SBF2: variants seen among roughly 807,000 people sequenced by gnomAD.
SBF2 encodes myotubularin-related protein 13.
SBF2 carries 112 observed loss-of-function variants against 225.2 expected under a neutral mutation model. The ratio of observed to expected loss-of-function variants is 0.50; its 90% CI spans 0.43 to 0.58. The LOEUF (loss-of-function observed/expected upper bound fraction) is 0.58, where lower values mean the gene tolerates loss of function less well. SBF2 is among the 20% of genes least tolerant of loss of function. SBF2 has a pLI of 0.00. For missense variants in SBF2, 1,996 were observed against 2,206.2 expected (o/e 0.90, Z 1.91); for synonymous variants, 763 against 773.3 (o/e 0.99, Z 0.22).
chr11:10,168,578 T>C lies in SBF2; in HGVS notation c.141+25324A>G, dbSNP rs752826446. On this transcript the variant is annotated intron_variant, in intron 2 of 39. Transcript: ENST00000256190. ...TAATACCCAGGTAGAACAATATTAA[T>C]CCAGGTAAATATTTATATGAATTTG... Among the ~76,000 whole-genome samples, 32 of 152,180 alleles carry C rather than the reference T, an allele frequency of 2.1e-4. 1 individual carries two copies. The highest frequency in any genetic ancestry group is 3.5e-4 in the Non-Finnish European group (24 of 68,024).
Position 10,108,367 on chromosome 11 carries a change from C to T in SBF2, c.142-65386G>A, listed in dbSNP as rs192307377. On this transcript the variant is annotated intron_variant, in intron 2 of 39. Coordinates refer to ENST00000256190, the MANE Select transcript of SBF2 (RefSeq NM_030962.4). ...CTAAACAAATACTGGTGGAGTGAGTCAATGGCTCAATGAAGCACTAATTCA... is the reference window on the plus strand; with the variant it reads ...CTAAACAAATACTGGTGGAGTGAGTTAATGGCTCAATGAAGCACTAATTCA... 1.5e-3 allele frequency among the ~76,000 whole-genome samples: 222 copies of T among 152,196 alleles called. 3 individuals are homozygous for T. Among genetic ancestry groups the T allele is most frequent in the Admixed American group, 0.012 (188 of 15,282 alleles).
chr11:9,842,525 A>C, intron 25 of SBF2, 100 bp downstream of exon 25: 1 of 1,219,754 alleles, frequency 8.2e-7, no homozygotes, highest in South Asian at 1.2e-5. Flanking sequence ...CATGAGATCT[A>C]GGTTTTTGTG....
chr11:9,991,561 G>C (rs1279496225), intron 12 of SBF2, among the ~76,000 whole-genome samples: 2 of 151,942 alleles, frequency 1.3e-5, no homozygotes, highest in Admixed American at 1.3e-4. Context: ...TACATTTTTG[G>C]TTCTAATATA....
intron 2 of SBF2, among the ~76,000 whole-genome samples, chr11:10,073,834 T>C (rs1950988194): frequency 1.3e-5 from 2 of 152,176 alleles, no homozygotes; most frequent in Admixed American, 6.5e-5. Flanking sequence ...AAATGAGCAA[T>C]ATACACACTT....
chr11:10,172,082 C>A (rs529954998), intron 2 of SBF2, among the ~76,000 whole-genome samples: 1 of 151,954 alleles, frequency 6.6e-6, no homozygotes, highest in East Asian at 1.9e-4. Flanking sequence ...TACAAAAAAA[C>A]CAACTTTTTG....
At chr11:9,968,633 G>A (rs1385242997) in intron 13 of SBF2, 88 bp from the exon 14 acceptor site, 5 of 1,038,090 alleles carry the variant, frequency 4.8e-6, no homozygotes, top group East Asian at 2.4e-5. Flanking sequence ...ACAGGGACAC[G>A]AGCTGGGTAG....
intron 1 of SBF2, among the ~76,000 whole-genome samples, chr11:10,273,735 T>A (rs1420714580): frequency 6.6e-6 from 1 of 152,148 alleles, no homozygotes; most frequent in Admixed American, 6.5e-5. Flanking sequence ...AAATGGAATA[T>A]CTCCTGAAGC....
chr11:9,821,059 T>C (rs1369491929), intron 28 of SBF2, among the ~76,000 whole-genome samples: 1 of 152,194 alleles, frequency 6.6e-6, no homozygotes, highest in African/African-American at 2.4e-5. Flanking sequence ...TCAAAATCAT[T>C]GTTGGAGAAA....
At chr11:9,834,888 C>G (rs1855638739) in intron 26 of SBF2, among the ~76,000 whole-genome samples, 1 of 152,170 alleles carries the variant, frequency 6.6e-6, no homozygotes, top group African/African-American at 2.4e-5. Flanking sequence ...TGAGCCATCT[C>G]CTTCCACTGT....
chr11:10,135,776 A>G (rs1338535836), intron 2 of SBF2, among the ~76,000 whole-genome samples: 1 of 152,174 alleles, frequency 6.6e-6, no homozygotes, highest in Admixed American at 6.5e-5. Flanking sequence ...AAGCCATTCA[A>G]CAAGTCTAGG....
intron 16 of SBF2, among the ~76,000 whole-genome samples, chr11:9,939,252 C>T (rs961145811): frequency 9.9e-5 from 15 of 152,078 alleles, no homozygotes; most frequent in Admixed American, 4.6e-4. Flanking sequence ...CCTGCCACCA[C>T]GCCCGGCTAA....
At chr11:10,221,832 G>GT (rs1958349342) in intron 1 of SBF2, among the ~76,000 whole-genome samples, 1 of 152,156 alleles carries the variant, frequency 6.6e-6, no homozygotes, top group Non-Finnish European at 1.5e-5. Flanking sequence ...TGGCCTGAGG[G>GT]CAGATCCAGT....
chr11:9,851,641 G>C (rs1856962848), intron 21 of SBF2, among the ~76,000 whole-genome samples: 1 of 152,164 alleles, frequency 6.6e-6, no homozygotes, highest in Non-Finnish European at 1.5e-5. Flanking sequence ...ATTTTTGTTG[G>C]CTCTAGTGAG....
chr11:10,142,141 G>T (rs1041014100), intron 2 of SBF2, among the ~76,000 whole-genome samples: 12 of 152,264 alleles, frequency 7.9e-5, no homozygotes, highest in African/African-American at 2.9e-4. Context: ...ACTTCTGAAT[G>T]CTTTAGACAT....
intron 17 of SBF2, among the ~76,000 whole-genome samples, chr11:9,865,526 C>T (rs925882129): frequency 1.3e-5 from 2 of 150,886 alleles, no homozygotes; most frequent in Non-Finnish European, 3.0e-5. Context: ...CCTGTCTCTA[C>T]TAAAAACATA....
chr11:10,107,253 AAAAC>A (rs1199333392), intron 2 of SBF2, among the ~76,000 whole-genome samples: 2 of 152,242 alleles, frequency 1.3e-5, no homozygotes, highest in African/African-American at 4.8e-5. Context: ...CCAAAAAACT[AAAAC>A]AACCGAACAT....
At chr11:10,005,924 T>C (rs1948168655) in intron 6 of SBF2, among the ~76,000 whole-genome samples, 2 of 152,244 alleles carry the variant, frequency 1.3e-5, no homozygotes, top group South Asian at 4.1e-4. Flanking sequence ...GTACGGTAGC[T>C]CACAGGGGTA....
chr11:9,947,621 T>C (rs1421349204), intron 16 of SBF2, among the ~76,000 whole-genome samples: 5 of 152,208 alleles, frequency 3.3e-5, no homozygotes, highest in African/African-American at 1.2e-4. Flanking sequence ...GCGGCATCTA[T>C]GCTTATGCTC....
intron 21 of SBF2, among the ~76,000 whole-genome samples, chr11:9,852,192 T>A (rs1044251423): frequency 6.6e-5 from 10 of 152,328 alleles, no homozygotes; most frequent in East Asian, 5.8e-4. Context: ...AAATACAGAT[T>A]CCCAGACATG....
Sources: gnomAD v4.1 joint callset for allele counts (sites outside exome capture counted in the v4.1 genomes callset) on GRCh38, gnomAD v4.1.1 for gene constraint, MANE v1.5 for transcripts, NCBI Gene and HGNC (gene_info 2026-07-23, HGNC 2026-07-21) for gene names.